The following FAM53A variants were observed in gnomAD, a reference collection of about 807,000 sequenced individuals.
FAM53A encodes the protein family with sequence similarity 53 member A, also known as protein FAM53A.
A neutral mutation model predicts 26.6 loss-of-function variants in FAM53A; 28 were observed. That is an observed-to-expected ratio of 1.05 (90% CI 0.78 to 1.45). The LOEUF (loss-of-function observed/expected upper bound fraction) is 1.45, where lower values mean the gene tolerates loss of function less well. Ranked by LOEUF, FAM53A falls within the 40% of genes most tolerant of loss-of-function variation. FAM53A has a pLI of 0.00. For synonymous variants in FAM53A, 290 were observed against 253.1 expected (o/e 1.15, Z -1.38); for missense variants, 650 against 575.8 (o/e 1.13, Z -1.32).
chr4:1,615,723 T>C (rs1404630633), downstream of FAM53A, among the ~76,000 whole-genome samples: 1 of 152,256 alleles, frequency 6.6e-6, no homozygotes, highest in African/African-American at 2.4e-5. Context: ...TGTCCAAGAA[T>C]GACCACAAAA....
At chr4:1,642,883 G>A (rs958991908) in intron 4 of FAM53A, among the ~76,000 whole-genome samples, 2 of 152,238 alleles carry the variant, frequency 1.3e-5, no homozygotes, top group African/African-American at 2.4e-5. Flanking sequence ...GTGAGGGCAC[G>A]TGGGTGCCAC....
At chr4:1,593,640 C>G in the FAM53A span, among the ~76,000 whole-genome samples, 9 of 152,018 alleles carry the variant, frequency 5.9e-5, no homozygotes, top group African/African-American at 2.2e-4. Flanking sequence ...TAAAAGATAG[C>G]GCGATACTGT....
At chr4:1,614,606 G>A (rs1208574691), downstream of FAM53A, among the ~76,000 whole-genome samples, 3 of 152,108 alleles carry the variant, frequency 2.0e-5, no homozygotes, top group Non-Finnish European at 2.9e-5. Flanking sequence ...AGGACGGGGC[G>A]CCAGGTCAGC....
At chr4:1,684,001 G>T (rs1303079841) in intron 1 of FAM53A, 1 of 152,214 alleles carries the variant, frequency 6.6e-6, no homozygotes, top group African/African-American at 2.4e-5. Flanking sequence ...CACGGCGCGG[G>T]GCCACCAGGG....
chr4:1,676,136 T>C (rs1467034604), intron 1 of FAM53A, among the ~76,000 whole-genome samples: 2 of 152,214 alleles, frequency 1.3e-5, no homozygotes, highest in Admixed American at 1.3e-4. Flanking sequence ...AATCACAAAG[T>C]GGTGGCTTAG....
At chr4:1,596,914 G>C in the FAM53A span, among the ~76,000 whole-genome samples, 2 of 152,146 alleles carry the variant, frequency 1.3e-5, no homozygotes, top group Non-Finnish European at 2.9e-5. Context: ...ACGGAGGAGA[G>C]GGAGACAGCC....
chr4:1,680,293 T>A (rs1206699965), intron 1 of FAM53A, among the ~76,000 whole-genome samples: 1 of 119,434 alleles, frequency 8.4e-6, no homozygotes, highest in African/African-American at 3.3e-5. Flanking sequence ...CACTCCAGCC[T>A]GGGCAACGAG....
chr4:1,607,057 C>T, the FAM53A span, among the ~76,000 whole-genome samples: 2 of 152,240 alleles, frequency 1.3e-5, no homozygotes, highest in Non-Finnish European at 2.9e-5. Flanking sequence ...CTCACTCTAT[C>T]ACCCAGGCTG....
chr4:1,627,482 A>C (rs1257965191), intron 1 of FAM53A, among the ~76,000 whole-genome samples: 1 of 152,084 alleles, frequency 6.6e-6, no homozygotes, highest in East Asian at 1.9e-4. Flanking sequence ...CTGGGGTGCC[A>C]CACACACCCA....
At chr4:1,674,987 G>C (rs1194156592) in intron 1 of FAM53A, among the ~76,000 whole-genome samples, 2 of 152,200 alleles carry the variant, frequency 1.3e-5, no homozygotes, top group Admixed American at 6.5e-5. Flanking sequence ...CAGAGATACA[G>C]AAACAGTGAC....
At chr4:1,584,857 T>G in the FAM53A span, among the ~76,000 whole-genome samples, 1 of 152,250 alleles carries the variant, frequency 6.6e-6, no homozygotes, top group Non-Finnish European at 1.5e-5. Context: ...TGCATTGCAT[T>G]CTGTTGGTTA....
At chr4:1,585,415 T>G in the FAM53A span, among the ~76,000 whole-genome samples, 1 of 151,856 alleles carries the variant, frequency 6.6e-6, no homozygotes, top group African/African-American at 2.4e-5. Context: ...GTCTCCTCAG[T>G]AGCTGGGATT....
the FAM53A span, among the ~76,000 whole-genome samples, chr4:1,581,988 C>G: frequency 6.6e-6 from 1 of 152,064 alleles, no homozygotes; most frequent in African/African-American, 2.4e-5. Context: ...AACTCCTGAG[C>G]TCAAGTGATC....
chr4:1,671,385 A>G (rs28458319), intron 1 of FAM53A, among the ~76,000 whole-genome samples: 38 of 31,216 alleles, frequency 1.2e-3, no homozygotes, highest in African/African-American at 3.8e-3. Context: ...CGTCAGAGCC[A>G]CCAGCTCACA....
In FAM53A at chr4:1,641,575, G is replaced by C; in HGVS notation, c.915C>G (p.Leu305=). Residue 305 remains leucine (L), a synonymous_variant, in exon 5 of 5, where the codon CTC becomes CTG. Coordinates refer to ENST00000308132, the MANE Select transcript of FAM53A (RefSeq NM_001174070.3). The part of the protein sequence containing the change: ...TLKNSKSLCS[L]NYEDDDEDDT... ...CATCCTCATCGTCATCTTCGTAATTGAGGGAGCAAAGGCTTTTTGAATTTT... is the reference window on the plus strand; with the variant it reads ...CATCCTCATCGTCATCTTCGTAATTCAGGGAGCAAAGGCTTTTTGAATTTT... The C allele has an allele frequency of 6.2e-7, 1 of 1,614,178 alleles. No homozygotes were observed. Among genetic ancestry groups the C allele is most frequent in the Non-Finnish European group, 8.5e-7 (1 of 1,180,012 alleles).
intron 1 of FAM53A, among the ~76,000 whole-genome samples, chr4:1,680,023 A>AG (rs1257182639): frequency 1.1e-4 from 3 of 26,802 alleles, no homozygotes; most frequent in African/African-American, 2.0e-4. Flanking sequence ...ACTCCGTCTC[A>AG]GAAAAAAAAA....
intron 1 of FAM53A, among the ~76,000 whole-genome samples, chr4:1,625,882 T>C (rs1029506624): frequency 5.3e-5 from 8 of 152,202 alleles, no homozygotes; most frequent in Admixed American, 3.3e-4. Context: ...ACAGGTCATG[T>C]CTGGGCAGCC....
intron 1 of FAM53A, among the ~76,000 whole-genome samples, chr4:1,623,835 T>C (rs982526878): frequency 1.3e-5 from 2 of 152,084 alleles, no homozygotes; most frequent in African/African-American, 2.4e-5. Context: ...AATTAATTAA[T>C]TGGGGAGGAG....
intron 2 of FAM53A, among the ~76,000 whole-genome samples, chr4:1,667,726 A>C (rs1298777609): frequency 6.6e-6 from 1 of 152,060 alleles, no homozygotes; most frequent in African/African-American, 2.4e-5. Flanking sequence ...AGGGGCTACA[A>C]ATGCAACGTG....
Sources: allele counts gnomAD v4.1 joint callset (sites outside exome capture counted in the v4.1 genomes callset), GRCh38; gene constraint gnomAD v4.1.1; transcripts MANE v1.5; gene names NCBI Gene and HGNC (gene_info 2026-07-23, HGNC 2026-07-21).